HS6ST3: variants seen among roughly 807,000 people sequenced by gnomAD.
The protein encoded by HS6ST3 is heparan-sulfate 6-O-sulfotransferase 3.
HS6ST3 carries 12 observed loss-of-function variants against 36.7 expected under a neutral mutation model. The observed-to-expected ratio is 0.33, with a 90% CI of 0.21 to 0.53. The LOEUF (loss-of-function observed/expected upper bound fraction) is 0.53, where lower values mean the gene tolerates loss of function less well. Among genes scored for constraint, HS6ST3 ranks in the 20% least tolerant of loss-of-function variants. The pLI is 0.95. For synonymous variants in HS6ST3, 240 were observed against 257.5 expected, an observed-to-expected ratio of 0.93 and a Z score of 0.65; for missense variants, 584 against 640.9, an observed-to-expected ratio of 0.91 and a Z score of 0.96.
At chr13:96,576,896 A>G (rs1049175596) in intron 1 of HS6ST3, among the ~76,000 whole-genome samples, 2 of 138,418 alleles carry the variant, frequency 1.4e-5, no homozygotes, top group Non-Finnish European at 3.0e-5. Context: ...GTGAGCTGAG[A>G]TCGCGCCACT....
chr13:96,430,940 T>C (rs1341944588), intron 1 of HS6ST3, among the ~76,000 whole-genome samples: 1 of 152,080 alleles, frequency 6.6e-6, no homozygotes, highest in Non-Finnish European at 1.5e-5. Context: ...CTTGGTGCAG[T>C]GGCTCATGTC....
chr13:96,099,585 C>A (rs1048219468), intron 1 of HS6ST3, among the ~76,000 whole-genome samples: 1 of 152,108 alleles, frequency 6.6e-6, no homozygotes, highest in African/African-American at 2.4e-5. Context: ...CCTGTGGGCA[C>A]GTAAATATTT....
intron 1 of HS6ST3, among the ~76,000 whole-genome samples, chr13:96,583,580 G>T (rs947555168): frequency 6.6e-6 from 1 of 151,980 alleles, no homozygotes; most frequent in Admixed American, 6.6e-5. Flanking sequence ...CATGCGTTCT[G>T]CCCAACCTCA....
intron 1 of HS6ST3, among the ~76,000 whole-genome samples, chr13:96,358,758 G>A (rs2055222344): frequency 1.3e-5 from 2 of 152,044 alleles, no homozygotes; most frequent in African/African-American, 2.4e-5. Flanking sequence ...TTATGGTTTT[G>A]TAGTTATTTA....
intron 1 of HS6ST3, among the ~76,000 whole-genome samples, chr13:96,526,584 G>A (rs567333167): frequency 1.3e-5 from 2 of 152,204 alleles, no homozygotes; most frequent in East Asian, 3.9e-4. Flanking sequence ...GATTGGGAGT[G>A]GTTAGAAGTG....
At chr13:96,274,099 A>G (rs2054735762) in intron 1 of HS6ST3, among the ~76,000 whole-genome samples, 2 of 150,098 alleles carry the variant, frequency 1.3e-5, no homozygotes, top group Admixed American at 1.3e-4. Flanking sequence ...GCTGTAGTGC[A>G]GTGGCATGAT....
intron 1 of HS6ST3, among the ~76,000 whole-genome samples, chr13:96,824,224 T>A (rs1878602026): frequency 3.3e-5 from 5 of 152,246 alleles, no homozygotes; most frequent in Admixed American, 2.0e-4. Flanking sequence ...TAAGTCAGCA[T>A]GAGGGAGAAG....
chr13:96,198,920 CT>C (rs1384604140), intron 1 of HS6ST3, among the ~76,000 whole-genome samples: 5 of 152,118 alleles, frequency 3.3e-5, no homozygotes, highest in African/African-American at 4.8e-5. Flanking sequence ...CTGTATTAGT[CT>C]GTTTTCATGC....
intron 1 of HS6ST3, among the ~76,000 whole-genome samples, chr13:96,741,849 A>T (rs988196698): frequency 2.6e-5 from 4 of 152,186 alleles, no homozygotes; most frequent in Non-Finnish European, 4.4e-5. Context: ...TGCTCATTGA[A>T]CACATGGATG....
chr13:96,379,925 G>A (rs1036696238), intron 1 of HS6ST3, among the ~76,000 whole-genome samples: 5 of 152,000 alleles, frequency 3.3e-5, no homozygotes, highest in Admixed American at 2.0e-4. Flanking sequence ...AGTGAATCAA[G>A]AGGAAAAAAG....
intron 1 of HS6ST3, among the ~76,000 whole-genome samples, chr13:96,541,297 A>G (rs2056176672): frequency 6.6e-6 from 1 of 152,136 alleles, no homozygotes; most frequent in African/African-American, 2.4e-5. Context: ...TTAGCCTTCC[A>G]GAGTGCTGGG....
At chr13:96,329,902 C>G (rs1197765250) in intron 1 of HS6ST3, among the ~76,000 whole-genome samples, 1 of 146,852 alleles carries the variant, frequency 6.8e-6, no homozygotes, top group African/African-American at 2.5e-5. Context: ...ATAGTTAGCT[C>G]TTCTTGTTGA....
At chr13:96,209,059 G>A (rs1024315633) in intron 1 of HS6ST3, among the ~76,000 whole-genome samples, 10 of 152,190 alleles carry the variant, frequency 6.6e-5, no homozygotes, top group African/African-American at 2.4e-4. Context: ...TTTGGCTTGG[G>A]ATACAGAACT....
intron 1 of HS6ST3, among the ~76,000 whole-genome samples, chr13:96,115,432 T>G (rs1333705910): frequency 1.3e-5 from 2 of 152,140 alleles, no homozygotes; most frequent in Non-Finnish European, 2.9e-5. Context: ...CTGGTATGTG[T>G]TGTTCCCCAC....
chr13:96,356,428 A>G (rs9516668), intron 1 of HS6ST3, among the ~76,000 whole-genome samples: 2,215 of 152,300 alleles, frequency 0.015, 24 homozygotes, highest in Non-Finnish European at 0.022. Context: ...GAAAGTAGGT[A>G]TTACTCCTTG....
At chr13:96,306,837 C>A (rs1401413522) in intron 1 of HS6ST3, among the ~76,000 whole-genome samples, 1 of 152,154 alleles carries the variant, frequency 6.6e-6, no homozygotes, top group African/African-American at 2.4e-5. Context: ...GAACAAAATT[C>A]TAGATGATAA....
At chr13:96,114,561 A>AT (rs903359793) in intron 1 of HS6ST3, among the ~76,000 whole-genome samples, 4 of 152,144 alleles carry the variant, frequency 2.6e-5, no homozygotes, top group Non-Finnish European at 5.9e-5. Context: ...GTAACTTACC[A>AT]TTTTTTGTGC....
intron 1 of HS6ST3, among the ~76,000 whole-genome samples, chr13:96,420,769 A>G (rs2055558676): frequency 6.6e-6 from 1 of 152,174 alleles, no homozygotes; most frequent in African/African-American, 2.4e-5. Context: ...GCATGATTTC[A>G]TTTGGTTTTG....
At chr13:96,168,581 A>G (rs910362027) in intron 1 of HS6ST3, among the ~76,000 whole-genome samples, 6 of 151,760 alleles carry the variant, frequency 4.0e-5, no homozygotes, top group Admixed American at 1.3e-4. Flanking sequence ...GTGTGTACCT[A>G]TAGTCCCAGC....
Sources: allele counts gnomAD v4.1 joint callset (sites outside exome capture counted in the v4.1 genomes callset), GRCh38; gene constraint gnomAD v4.1.1; transcripts MANE v1.5; gene names NCBI Gene and HGNC (gene_info 2026-07-23, HGNC 2026-07-21).